VPS13C: variants seen among roughly 807,000 people sequenced by gnomAD.
VPS13C encodes the protein vacuolar protein sorting 13 homolog C.
A neutral mutation model predicts 456.8 loss-of-function variants in VPS13C; 358 were observed. The ratio of observed to expected loss-of-function variants is 0.78; its 90% CI spans 0.72 to 0.86. The LOEUF is 0.86. Ranked by LOEUF, VPS13C falls within the 40% of genes least tolerant of loss-of-function variation. VPS13C has a pLI of 0.00. For synonymous variants in VPS13C, 1,578 were observed against 1,486.7 expected (o/e 1.06, Z -1.41); for missense variants, 4,818 against 4,385.4 (o/e 1.10, Z -2.79).
At chr15:61,980,869 C>T (rs1257645656) in intron 22 of VPS13C, among the ~76,000 whole-genome samples, 1 of 151,960 alleles carries the variant, frequency 6.6e-6, no homozygotes, top group Non-Finnish European at 1.5e-5. Context: ...ACTTCAAAGT[C>T]CCCTCATATA....
In VPS13C at chr15:61,981,478, C is replaced by A; in HGVS notation, c.2030G>T (p.Gly677Val). 6.3e-7 allele frequency: 1 copy of A among 1,583,764 alleles called. No individual in the cohort carries two copies. Among genetic ancestry groups the A allele is most frequent in the African/African-American group, 1.4e-5 (1 of 72,832 alleles). The change falls in exon 22 of 85, where the codon GGA becomes GTA. Residue 677 changes from glycine (G) to valine (V), a missense_variant and splice_region_variant. Physicochemically the swap from Gly to Val is moderately radical, Grantham distance 109. Transcript: ENST00000644861. ...LEEIKERTAT[G>V]LTHIIETRKV... Reference sequence around the variant, plus strand: ...TCGAGTTTCAATAATATGTGTAAGTCCTAAAGACGTAAGAAATAATGACAG... The same window carrying A: ...TCGAGTTTCAATAATATGTGTAAGTACTAAAGACGTAAGAAATAATGACAG...
chr15:61,902,690 C>T (rs1016060531), intron 66 of VPS13C, among the ~76,000 whole-genome samples: 1 of 151,966 alleles, frequency 6.6e-6, no homozygotes, highest in Non-Finnish European at 1.5e-5. Context: ...ACAGAAGGAA[C>T]GTATCTCAAA....
Position 61,995,507 on chromosome 15 carries a change from G to A in VPS13C, c.1354-3705C>T, listed in dbSNP as rs115425674. On this transcript the variant is annotated intron_variant, in intron 16 of 84. Coordinates refer to ENST00000644861, the MANE Select transcript of VPS13C (RefSeq NM_020821.3). ...ATATACTTGATTCTGTGTACAATGT[G>A]TATGTTATATACACAAGACTTTAGT... Among the ~76,000 whole-genome samples, 868 of 152,276 alleles carry A rather than the reference G, an allele frequency of 5.7e-3. 7 individuals are homozygous for A. Among genetic ancestry groups the A allele is most frequent in the African/African-American group, 0.02 (830 of 41,554 alleles).
chr15:62,005,525 T>G (rs1479165573), intron 15 of VPS13C, among the ~76,000 whole-genome samples: 4 of 151,962 alleles, frequency 2.6e-5, no homozygotes, highest in Non-Finnish European at 5.9e-5. Context: ...ACATTTAAAG[T>G]TAATATTGTT....
intron 1 of VPS13C, among the ~76,000 whole-genome samples, chr15:62,056,700 A>G (rs1263577491): frequency 6.6e-6 from 1 of 152,138 alleles, no homozygotes; most frequent in African/African-American, 2.4e-5. Flanking sequence ...GCTGTGCTTC[A>G]GTGGTCACGC....
intron 37 of VPS13C, among the ~76,000 whole-genome samples, chr15:61,957,443 CTGTA>C: frequency 6.6e-6 from 1 of 152,204 alleles, no homozygotes; most frequent in Middle Eastern, 3.4e-3. Flanking sequence ...GTATACTTCA[CTGTA>C]TGTATTAAAA....
At chr15:61,885,370 T>C (rs1165549105) in intron 67 of VPS13C, among the ~76,000 whole-genome samples, 7 of 152,134 alleles carry the variant, frequency 4.6e-5, no homozygotes, top group African/African-American at 1.7e-4. Flanking sequence ...CAAAAATTAA[T>C]TTCCAAAGCC....
At position 61,910,234 on chromosome 15, in the gene VPS13C, G is replaced by C; in HGVS notation, c.8787C>G (p.Ser2929=). 1 of 1,520,964 alleles carries C rather than the reference G, an allele frequency of 6.6e-7. No individual in the cohort carries two copies. Among genetic ancestry groups the C allele is most frequent in the East Asian group, 2.5e-5 (1 of 39,870 alleles). 94.2% of individuals were successfully genotyped at this position (1,520,964 alleles called of 1,614,324 possible). A position where few individuals can be genotyped will look rare whatever the true frequency, so the allele number is the denominator to read the frequency against. The change falls in exon 64 of 85, where the codon TCC becomes TCG. Residue 2929 remains serine, a synonymous_variant. Transcript: ENST00000644861. ...CVRVVGCEGS[S]KPFFYNRQDN... is the part of the protein sequence containing the mutation. ...CCTGTCGGTTATAAAAGAATGGTTT[G>C]GAAGATCCTTCACAGCCCACCACTC... is the stretch of plus-strand genomic sequence containing the variant.
chr15:62,015,351 G>A (rs900849008), intron 9 of VPS13C, among the ~76,000 whole-genome samples: 1 of 151,858 alleles, frequency 6.6e-6, no homozygotes, highest in Non-Finnish European at 1.5e-5. Context: ...AGAAGCTCTT[G>A]AGTTTAATTA....
chr15:61,885,685 A>C (rs1896212162), intron 67 of VPS13C, among the ~76,000 whole-genome samples: 1 of 152,132 alleles, frequency 6.6e-6, no homozygotes, highest in Non-Finnish European at 1.5e-5. Flanking sequence ...ATAGGCTTTA[A>C]ATGCTTTACA....
At chr15:61,970,077 T>C (rs993062162) in intron 27 of VPS13C, among the ~76,000 whole-genome samples, 5 of 152,120 alleles carry the variant, frequency 3.3e-5, no homozygotes, top group Non-Finnish European at 7.4e-5. Flanking sequence ...GGAACACTCA[T>C]ACTGGGGGAA....
At chr15:61,990,558 C>T (rs1370324021) in intron 18 of VPS13C, among the ~76,000 whole-genome samples, 1 of 152,108 alleles carries the variant, frequency 6.6e-6, no homozygotes, top group Non-Finnish European at 1.5e-5. Context: ...CCCCTGTAAT[C>T]CCAGCACTTT....
chr15:62,033,067 G>C (rs1402710508), intron 5 of VPS13C, among the ~76,000 whole-genome samples: 1 of 151,432 alleles, frequency 6.6e-6, no homozygotes, highest in Non-Finnish European at 1.5e-5. Flanking sequence ...TTTCACTATA[G>C]CATTATGCTT....
chr15:62,031,606 C>G (rs544269306), intron 5 of VPS13C, among the ~76,000 whole-genome samples: 1 of 151,890 alleles, frequency 6.6e-6, no homozygotes, highest in African/African-American at 2.4e-5. Context: ...ACAAATATAA[C>G]ATGTTAAAAC....
Position 61,882,501 on chromosome 15 carries a change from A to C in VPS13C, c.9624+95T>G, listed in dbSNP as rs1322750818. On this transcript the variant is annotated intron_variant, in intron 69 of 84. Coordinates refer to ENST00000644861, the MANE Select transcript of VPS13C (RefSeq NM_020821.3). ...AACATACAAACAAAGAAAAGATACC[A>C]ATTACAATGTAAACTATATAGTTGT... The C allele has an allele frequency of 2.6e-6, 3 of 1,148,026 alleles. No individual in the cohort carries two copies. The East Asian group carries it at 9.0e-5, about 35-fold the overall frequency. The allele number at this position is 1,148,026 out of a possible 1,614,324, so 71.1% of individuals were successfully genotyped here.
chr15:61,982,359 A>G (rs1596417636), intron 21 of VPS13C, 100 bp downstream of exon 21: 1 of 862,950 alleles, frequency 1.2e-6, no homozygotes, highest in African/African-American at 1.7e-5. Context: ...TTTAAAATAA[A>G]GAAAAAAAGC....
At chr15:62,048,136 G>C (rs1482053058) in intron 1 of VPS13C, among the ~76,000 whole-genome samples, 1 of 147,702 alleles carries the variant, frequency 6.8e-6, no homozygotes, top group African/African-American at 2.5e-5. Flanking sequence ...TTAAGTTTTA[G>C]GGTACATGTG....
rs371152575 is a variant in VPS13C, at chr15:61,854,852, T to C, written c.11160+19A>G. On this transcript the variant is annotated intron_variant, in intron 84 of 84. Coordinates refer to ENST00000644861, the MANE Select transcript of VPS13C (RefSeq NM_020821.3). ...ATTTCAGCTAAAAAAAATTGAGGCA[T>C]GCTCTTTAAATTGTTTACCTCTGCT... 6.3e-7 allele frequency: 1 copy of C among 1,590,534 alleles called. No individual in the cohort carries two copies. The highest frequency in any genetic ancestry group is 1.4e-5 in the African/African-American group (1 of 73,214).
chr15:61,949,314 T>C (rs2044707819), intron 42 of VPS13C, 129 bp downstream of exon 42: 8 of 1,062,068 alleles, frequency 7.5e-6, no homozygotes, highest in Non-Finnish European at 1.1e-5. Flanking sequence ...ACATTTTCTT[T>C]CTCTTGAAAC....
Sources: allele counts gnomAD v4.1 joint callset (sites outside exome capture counted in the v4.1 genomes callset), GRCh38; gene constraint gnomAD v4.1.1; transcripts MANE v1.5; gene names NCBI Gene and HGNC (gene_info 2026-07-23, HGNC 2026-07-21).